Variants in CCL28 observed in about 807,000 individuals in gnomAD.
The protein encoded by CCL28 is C-C motif chemokine 28.
In CCL28, 4 loss-of-function variants were observed where a neutral mutation model predicts 7.1. The observed-to-expected ratio is 0.56, with a 90% confidence interval of 0.28 to 1.29. The LOEUF (loss-of-function observed/expected upper bound fraction) is 1.29. Ranked by LOEUF, CCL28 falls within the 50% of genes most tolerant of loss-of-function variation. The probability of loss-of-function intolerance (pLI) is 0.11; values close to 1 mark genes in which losing one functional copy is unlikely to be tolerated. For synonymous variants in CCL28, 55 were observed against 57.8 expected, an observed-to-expected ratio of 0.95 and a Z score of 0.22; for missense variants, 151 against 163.4, an observed-to-expected ratio of 0.92 and a Z score of 0.41.
At chr5:43,377,736 T>C (rs1421981361), downstream of CCL28, among the ~76,000 whole-genome samples, 1 of 101,166 alleles carries the variant, frequency 9.9e-6, no homozygotes, top group African/African-American at 3.9e-5. Flanking sequence ...TTTTTTTTTT[T>C]TTTTTTTTTT....
Position 43,380,346 on chromosome 5 carries a change from AC to A in CCL28, c.*1513del, listed in dbSNP as rs1740059524. 6.6e-6 allele frequency: 1 copy of A among 152,024 alleles called. No individual in the cohort carries two copies. Among genetic ancestry groups the A allele is most frequent in the Non-Finnish European group, 1.5e-5 (1 of 68,002 alleles). The allele number at this position is 152,024 out of a possible 1,614,324, so 9.4% of individuals were successfully genotyped here. On this transcript the variant is annotated 3_prime_UTR_variant, in exon 3 of 3. Coordinates refer to ENST00000361115, the MANE Select transcript of CCL28 (RefSeq NM_148672.3). ...GTATCAGAAAATTTCAATCCAAACAACGGTAGCTACTCAAACTAGACGTTTT... is the reference window on the plus strand; with the variant it reads ...GTATCAGAAAATTTCAATCCAAACAAGGTAGCTACTCAAACTAGACGTTTT...
rs1423713861 is a variant in CCL28 at position 43,381,778 on chromosome 5, G to A, written c.*82C>T. On this transcript the variant is annotated 3_prime_UTR_variant, in exon 3 of 3. Coordinates refer to ENST00000361115, the MANE Select transcript of CCL28 (RefSeq NM_148672.3). ...GTTTTGTTCTGTTGTCTACAATAAG[G>A]AGAATTCAGATGATAAACTTACAAC... 1 of 1,156,312 alleles carries A rather than the reference G, an allele frequency of 8.6e-7. No individual in the cohort carries two copies. The highest frequency in any genetic ancestry group is 1.2e-6 in the Non-Finnish European group (1 of 802,000). The allele number at this position is 1,156,312 out of a possible 1,614,324, so 71.6% of individuals were successfully genotyped here. A position where few individuals can be genotyped will look rare whatever the true frequency, so the allele number is the denominator to read the frequency against.
chr5:43,386,585 A>C (rs1349839093), intron 2 of CCL28, among the ~76,000 whole-genome samples: 5 of 152,242 alleles, frequency 3.3e-5, no homozygotes, highest in African/African-American at 1.2e-4. Flanking sequence ...GTGACCTTTA[A>C]ACTTTATTTG....
intron 1 of CCL28, among the ~76,000 whole-genome samples, chr5:43,406,778 A>G (rs1436440670): frequency 2.0e-5 from 3 of 152,264 alleles, no homozygotes; most frequent in African/African-American, 7.2e-5. Flanking sequence ...TTAAGCTGAT[A>G]AGCAACTTCA....
At chr5:43,360,158 G>C in the CCL28 span, among the ~76,000 whole-genome samples, 6 of 152,126 alleles carry the variant, frequency 3.9e-5, no homozygotes, top group East Asian at 1.2e-3. Flanking sequence ...ACACTACCGG[G>C]TAATCCTGCA....
rs796774554 is a variant in CCL28, at chr5:43,395,877, T to C, written c.65-7401A>G. 4.2e-3 allele frequency among the ~76,000 whole-genome samples: 607 copies of C among 145,894 alleles called. 4 individuals are homozygous for C. Among genetic ancestry groups the C allele is most frequent in the African/African-American group, 0.013 (520 of 38,926 alleles). ...CGCCTTTTTTTTTTTTTTTTTTTTT[T>C]TTGAGACGGAGTATCGCTCTGTATC... On this transcript the variant is annotated intron_variant, in intron 1 of 2. Coordinates refer to ENST00000361115, the MANE Select transcript of CCL28 (RefSeq NM_148672.3).
intron 2 of CCL28, among the ~76,000 whole-genome samples, chr5:43,383,316 A>G (rs1177864893): frequency 6.6e-6 from 1 of 152,158 alleles, no homozygotes; most frequent in Admixed American, 6.5e-5. Context: ...GTATCCAGAT[A>G]AATTGAAACT....
At chr5:43,361,541 A>G in the CCL28 span, among the ~76,000 whole-genome samples, 1 of 152,116 alleles carries the variant, frequency 6.6e-6, no homozygotes, top group Non-Finnish European at 1.5e-5. Context: ...TGCTTTTGGC[A>G]TCTTCATCAT....
At chr5:43,385,973 G>A (rs1302727774) in intron 2 of CCL28, among the ~76,000 whole-genome samples, 3 of 152,156 alleles carry the variant, frequency 2.0e-5, no homozygotes, top group Non-Finnish European at 2.9e-5. Flanking sequence ...ATAACCTCCA[G>A]AATCTCTTAT....
downstream of CCL28, among the ~76,000 whole-genome samples, chr5:43,378,719 T>C (rs916999867): frequency 1.7e-4 from 26 of 152,262 alleles, no homozygotes; most frequent in Non-Finnish European, 8.8e-5. Context: ...TCCCAGTACT[T>C]TGGGAGGCCG....
At chr5:43,376,922 T>A (rs921968031), downstream of CCL28, 1 of 152,186 alleles carries the variant, frequency 6.6e-6, no homozygotes, top group African/African-American at 2.4e-5. Context: ...AACTTAGCAT[T>A]TCATAATGTT....
intron 2 of CCL28, chr5:43,384,090 CA>C: frequency 6.5e-6 from 1 of 153,776 alleles, no homozygotes; most frequent in Non-Finnish European, 1.5e-5. Context: ...AACTCCGTCT[CA>C]AAAAGAAAAA....
chr5:43,372,693 A>T (rs945281530), downstream of CCL28, among the ~76,000 whole-genome samples: 4 of 151,704 alleles, frequency 2.6e-5, no homozygotes, highest in Admixed American at 2.6e-4. Flanking sequence ...CTATATGCAT[A>T]TAATATTTTG....
chr5:43,401,567 G>A (rs1323391729), intron 1 of CCL28, among the ~76,000 whole-genome samples: 1 of 152,080 alleles, frequency 6.6e-6, no homozygotes, highest in African/African-American at 2.4e-5. Context: ...TGTAATATGG[G>A]GGTGGTCCTA....
In CCL28 at chr5:43,379,809, T is replaced by C. The variant is rs1740031410; in HGVS notation, c.*2051A>G. 1 of 152,138 alleles carries C rather than the reference T, an allele frequency of 6.6e-6. No individual in the cohort carries two copies. Among genetic ancestry groups the C allele is most frequent in the Admixed American group, 6.6e-5 (1 of 15,266 alleles). 9.4% of individuals were successfully genotyped at this position (152,138 alleles called of 1,614,324 possible). A position where few individuals can be genotyped will look rare whatever the true frequency, so the allele number is the denominator to read the frequency against. On this transcript the variant is annotated 3_prime_UTR_variant, in exon 3 of 3. Coordinates refer to ENST00000361115, the MANE Select transcript of CCL28 (RefSeq NM_148672.3). Reference sequence around the variant, plus strand: ...GACAAAAAAGAGGCCAAAAGAGGAATGGCACAATGGTATCAACTCAAACGT... The same window carrying C: ...GACAAAAAAGAGGCCAAAAGAGGAACGGCACAATGGTATCAACTCAAACGT...
chr5:43,357,816 G>A, the CCL28 span, among the ~76,000 whole-genome samples: 4 of 152,044 alleles, frequency 2.6e-5, no homozygotes, highest in Non-Finnish European at 5.9e-5. Flanking sequence ...TGCAAGACAG[G>A]GGCATGTTAT....
intron 1 of CCL28, among the ~76,000 whole-genome samples, chr5:43,407,557 C>G (rs1026689335): frequency 1.2e-4 from 18 of 152,210 alleles, no homozygotes; most frequent in Admixed American, 1.1e-3. Context: ...AAAGCCTATG[C>G]AATACCATAC....
At chr5:43,398,572 T>C (rs1443334457) in intron 1 of CCL28, among the ~76,000 whole-genome samples, 1 of 152,188 alleles carries the variant, frequency 6.6e-6, no homozygotes, top group Non-Finnish European at 1.5e-5. Flanking sequence ...AAATTACAGC[T>C]GGGCACAGTG....
chr5:43,369,971 G>T, the CCL28 span, among the ~76,000 whole-genome samples: 3 of 152,194 alleles, frequency 2.0e-5, no homozygotes, highest in South Asian at 2.1e-4. Context: ...GAGAGGAAAA[G>T]ACTCTGAGAT....
Sources: gnomAD v4.1 joint callset for allele counts (sites outside exome capture counted in the v4.1 genomes callset) on GRCh38, gnomAD v4.1.1 for gene constraint, MANE v1.5 for transcripts, NCBI Gene and HGNC (gene_info 2026-07-23, HGNC 2026-07-21) for gene names.